Variants in EPHA2 observed in about 807,000 individuals in gnomAD.
EPHA2 encodes EPH receptor A2.
EPHA2 carries 54 observed loss-of-function variants against 104.9 expected under a neutral mutation model. That is an observed-to-expected ratio of 0.51 (90% CI 0.41 to 0.65). The LOEUF (loss-of-function observed/expected upper bound fraction) is 0.65, where lower values mean the gene tolerates loss of function less well. Among genes scored for constraint, EPHA2 ranks in the 30% least tolerant of loss-of-function variants. The probability of loss-of-function intolerance (pLI) is 0.00; values close to 1 mark genes in which losing one functional copy is unlikely to be tolerated. For synonymous variants in EPHA2, 560 were observed against 559.1 expected, an observed-to-expected ratio of 1.00 and a Z score of -0.02; for missense variants, 1,117 against 1,369.5, an observed-to-expected ratio of 0.82 and a Z score of 2.91.
rs930888686 is a variant in EPHA2, at chr1:16,155,839, C to G, written c.85+9G>C. Reference sequence around the variant, plus strand: ...GGGGGCCAGGGGTCCAGACGCCGCGCGCACTCACCTTCCTTGCCCTGCGCC... The same window carrying G: ...GGGGGCCAGGGGTCCAGACGCCGCGGGCACTCACCTTCCTTGCCCTGCGCC... On this transcript the variant is annotated intron_variant, in intron 1 of 16. Coordinates refer to ENST00000358432, the MANE Select transcript of EPHA2 (RefSeq NM_004431.5). The G allele has an allele frequency of 5.6e-6, 8 of 1,430,658 alleles. No homozygotes were observed. The highest frequency in any genetic ancestry group is 7.3e-6 in the Non-Finnish European group (8 of 1,096,372). The allele number at this position is 1,430,658 out of a possible 1,614,324, so 88.6% of individuals were successfully genotyped here.
chr1:16,136,942 G>C (rs942515399), intron 5 of EPHA2, among the ~76,000 whole-genome samples: 1 of 151,728 alleles, frequency 6.6e-6, no homozygotes, highest in Admixed American at 6.6e-5. Flanking sequence ...GGGATTACAG[G>C]CATGCGCCAC....
chr1:16,132,161 C>T lies in EPHA2; in HGVS notation c.2228G>A (p.Arg743His), dbSNP rs1248077614. ...CAGGTTGCTGTTGACGAGGATGTTG[C>T]GGGCAGCCAGGTCACGGTGCACATA... ...MNYVHRDLAARNILVNSNLVC... is the reference protein window; with the variant it reads ...MNYVHRDLAAHNILVNSNLVC... The change falls in exon 13 of 17, where the codon CGC becomes CAC. Residue 743 changes from arginine (R) to histidine (H), a missense_variant. Around this residue, in one of 3 missense-constraint regions of EPHA2, gnomAD observed 340 missense variants for 480.5 expected, o/e 0.71. Coordinates refer to ENST00000358432, the MANE Select transcript of EPHA2 (RefSeq NM_004431.5). 6 of 1,614,096 alleles carry T rather than the reference C, an allele frequency of 3.7e-6. No homozygotes were observed. The highest frequency in any genetic ancestry group is 2.2e-5 in the East Asian group (1 of 44,904).
chr1:16,134,741 G>T lies in EPHA2; in HGVS notation c.1583-174C>A, dbSNP rs1324110109. Among the ~76,000 whole-genome samples the T allele has an allele frequency of 1.3e-5, 2 of 152,168 alleles. No homozygotes were observed. The highest frequency in any genetic ancestry group is 4.8e-5 in the African/African-American group (2 of 41,440). ...CGGTCAAGCGGAGGCCTTCCCGAAG[G>T]TCTCACGGGAGGTATTGCAGGTATG... On this transcript the variant is annotated intron_variant, in intron 7 of 16. Transcript: ENST00000358432. The surrounding 1 kb of genome is among the most constrained non-coding windows in gnomAD (Gnocchi z 4.5).
At chr1:16,136,686 A>AGAG (rs2024698519) in intron 5 of EPHA2, among the ~76,000 whole-genome samples, 2 of 119,196 alleles carry the variant, frequency 1.7e-5, no homozygotes, top group Non-Finnish European at 3.1e-5. Flanking sequence ...AGAAGAAAGA[A>AGAG]GAAGAGGAAG....
Position 16,133,861 on chromosome 1 carries a change from T to C in EPHA2, c.1737A>G (p.Ser579=). ...CCTGGAGCGGGGGCTGCGTCTCACC[T>C]GACTTGGAGAAGTAAACGTCCTCCG... The part of the protein sequence containing the change: ...QSPEDVYFSK[S]EQLKPLKTYV... Residue 579 remains serine, a splice_region_variant and synonymous_variant, in exon 9 of 17, where the codon TCA becomes TCG. Transcript: ENST00000358432. 1.9e-6 allele frequency: 3 copies of C among 1,548,436 alleles called. No homozygotes were observed. The highest frequency in any genetic ancestry group is 2.6e-6 in the Non-Finnish European group (3 of 1,145,026).
In EPHA2 at chr1:16,134,535, C is replaced by G; in HGVS notation, c.1615G>C (p.Gly539Arg). Reference protein sequence around the residue: ...PEGSGNLAVIGGVAVGVVLLL... With the variant: ...PEGSGNLAVIRGVAVGVVLLL... ...AGGACCACACCGACAGCCACGCCGC[C>G]AATCACCGCCAAGTTGCCAGATCCC... is the stretch of plus-strand genomic sequence containing the variant. The change falls in exon 8 of 17, where the codon GGC becomes CGC. Residue 539 changes from glycine to arginine, a missense_variant. By Grantham distance (125) the Gly-to-Arg change is moderately radical. Around this residue, in one of 3 missense-constraint regions of EPHA2, gnomAD observed 664 missense variants for 784.8 expected, o/e 0.85. Coordinates refer to ENST00000358432, the MANE Select transcript of EPHA2 (RefSeq NM_004431.5). This position sits in a 1 kb window ranked among gnomAD's most constrained non-coding sequence, Gnocchi z 4.5. 6.2e-7 allele frequency: 1 copy of G among 1,614,128 alleles called. No homozygotes were observed. The highest frequency in any genetic ancestry group is 8.5e-7 in the Non-Finnish European group (1 of 1,180,026).
Position 16,133,844 on chromosome 1 carries a change from G to C in EPHA2, c.1738+16C>G, listed in dbSNP as rs6669624. On this transcript the variant is annotated intron_variant, in intron 9 of 16. Transcript: ENST00000358432. The stretch of plus-strand genomic sequence containing the variant: ...GTGCGGGCAGGGCTGGGCCTGGAGC[G>C]GGGGCTGCGTCTCACCTGACTTGGA... The C allele has an allele frequency of 2.6e-6, 4 of 1,541,154 alleles. No homozygotes were observed. Among genetic ancestry groups the C allele is most frequent in the East Asian group, 2.5e-5 (1 of 40,774 alleles).
At chr1:16,136,025 T>C (rs543403922) in intron 5 of EPHA2, among the ~76,000 whole-genome samples, 1 of 152,154 alleles carries the variant, frequency 6.6e-6, no homozygotes, top group East Asian at 1.9e-4. Context: ...CACATGCTAC[T>C]GTACCTGGCT....
chr1:16,133,273 C>G lies in EPHA2; in HGVS notation c.1960G>C (p.Glu654Gln). Residue 654 changes from glutamate to glutamine, a missense_variant, in exon 11 of 17, where the codon GAG (glutamate) becomes CAG (glutamine). By Grantham distance (29) the Glu-to-Gln change is conservative (BLOSUM62 2). Around this residue, in one of 3 missense-constraint regions of EPHA2, gnomAD observed 340 missense variants for 480.5 expected, o/e 0.71. Coordinates refer to ENST00000358432, the MANE Select transcript of EPHA2 (RefSeq NM_004431.5). ...AIKTLKAGYT[E>Q]KQRVDFLGEA... is the part of the protein sequence containing the mutation. Reference sequence around the variant, plus strand: ...CCGAGGAAGTCCACTCGCTGCTTCTCTGTGTAGCCGGCTTTCAGCGTCTTG... The same window carrying G: ...CCGAGGAAGTCCACTCGCTGCTTCTGTGTGTAGCCGGCTTTCAGCGTCTTG... 1 of 1,613,914 alleles carries G rather than the reference C, an allele frequency of 6.2e-7. No homozygotes were observed. Among genetic ancestry groups the G allele is most frequent in the South Asian group, 1.1e-5 (1 of 91,088 alleles).
rs1270682774 is a variant in EPHA2 at position 16,130,017 on chromosome 1, G to A, written c.2669+209C>T. On this transcript the variant is annotated intron_variant, in intron 15 of 16. Transcript: ENST00000358432. The surrounding 1 kb of genome is among the most constrained non-coding windows in gnomAD (Gnocchi z 4.5). Reference sequence around the variant, plus strand: ...GAATGAAAACATATTAAGTGCTCACGCAGTGCCCTGCACACAGACACATAA... The same window carrying A: ...GAATGAAAACATATTAAGTGCTCACACAGTGCCCTGCACACAGACACATAA... Among the ~76,000 whole-genome samples the A allele has an allele frequency of 2.0e-5, 3 of 152,142 alleles. No homozygotes were observed. Among genetic ancestry groups the A allele is most frequent in the Non-Finnish European group, 2.9e-5 (2 of 68,040 alleles).
intron 3 of EPHA2, among the ~76,000 whole-genome samples, chr1:16,145,600 C>G (rs1414109850): frequency 1.3e-5 from 2 of 152,062 alleles, no homozygotes; most frequent in Non-Finnish European, 2.9e-5. Flanking sequence ...GAGGGCAGAC[C>G]CTGTGCCTCC....
At position 16,135,006 on chromosome 1, in the gene EPHA2, C is replaced by T; in HGVS notation, c.1582+30G>A. On this transcript the variant is annotated intron_variant, in intron 7 of 16. Transcript: ENST00000358432. The surrounding 1 kb of genome is among the most constrained non-coding windows in gnomAD (Gnocchi z 4.3). Reference sequence around the variant, plus strand: ...CAATTGCTTGGTTCTGGGCCCTGGCCTGGTCCATGCCCAGGGTCCCCCAAC... The same window carrying T: ...CAATTGCTTGGTTCTGGGCCCTGGCTTGGTCCATGCCCAGGGTCCCCCAAC... The T allele has an allele frequency of 1.9e-6, 3 of 1,609,568 alleles. No homozygotes were observed. The highest frequency in any genetic ancestry group is 2.5e-6 in the Non-Finnish European group (3 of 1,179,968).
chr1:16,137,307 A>AG (rs1462702423), intron 5 of EPHA2, among the ~76,000 whole-genome samples: 2 of 151,914 alleles, frequency 1.3e-5, no homozygotes, highest in Non-Finnish European at 2.9e-5. Context: ...TAAAAAAAAA[A>AG]AAAATTGCAG....
intron 1 of EPHA2, among the ~76,000 whole-genome samples, chr1:16,154,374 G>A (rs191738108): frequency 0.01 from 1,584 of 152,174 alleles, 76 homozygotes; most frequent in Admixed American, 0.077. Flanking sequence ...CCCAACACCT[G>A]CCACTGCCCA....
Position 16,150,930 on chromosome 1 carries a change from T to A in EPHA2, c.119A>T (p.Glu40Val), listed in dbSNP as rs1557516913. The change falls in exon 2 of 17, where the codon GAG becomes GTG. Residue 40 changes from glutamate (E) to valine (V), a missense_variant. Physicochemically the swap from Glu to Val is moderately radical, Grantham distance 121. Transcript: ENST00000358432. This position sits in a 1 kb window ranked among gnomAD's most constrained non-coding sequence, Gnocchi z 4.8. Reference sequence around the variant, plus strand: ...ATACGGGTGTGTGAGCCAGCCGAGCTCCCCTCCAGCTGCAGCAAAGTCCAG... The same window carrying A: ...ATACGGGTGTGTGAGCCAGCCGAGCACCCCTCCAGCTGCAGCAAAGTCCAG... ...VLLDFAAAGG[E>V]LGWLTHPYGK... 4.3e-6 allele frequency: 7 copies of A among 1,613,990 alleles called. No individual in the cohort carries two copies. In the East Asian group the frequency reaches 1.6e-4, roughly 36 times the overall value.
intron 11 of EPHA2, among the ~76,000 whole-genome samples, chr1:16,132,704 C>T (rs1362398969): frequency 6.8e-6 from 1 of 147,548 alleles, no homozygotes; most frequent in Non-Finnish European, 1.5e-5. Flanking sequence ...CAGGTGGGCA[C>T]AGGTGTAGAG....
At chr1:16,142,984 A>ATGG (rs1553136529) in intron 3 of EPHA2, among the ~76,000 whole-genome samples, 35 of 74,018 alleles carry the variant, frequency 4.7e-4, no homozygotes, top group Non-Finnish European at 8.1e-4. Flanking sequence ...TGGAGGGATG[A>ATGG]ATGGATGGAT....
At chr1:16,153,178 G>T (rs575917465) in intron 1 of EPHA2, 5 of 984,712 alleles carry the variant, frequency 5.1e-6, no homozygotes, top group Non-Finnish European at 6.0e-6. Context: ...GAGTTCCACC[G>T]TAAGTGCCAT....
At position 16,134,047 on chromosome 1, in the gene EPHA2, G is replaced by T; in HGVS notation, c.1683-132C>A. 1 of 870,766 alleles carries T rather than the reference G, an allele frequency of 1.1e-6. No individual in the cohort carries two copies. The highest frequency in any genetic ancestry group is 1.7e-6 in the Non-Finnish European group (1 of 577,642). 53.9% of individuals were successfully genotyped at this position (870,766 alleles called of 1,614,324 possible). On this transcript the variant is annotated intron_variant, in intron 8 of 16. Transcript: ENST00000358432. The surrounding 1 kb of genome is among the most constrained non-coding windows in gnomAD (Gnocchi z 4.5). Reference sequence around the variant, plus strand: ...AGAATGCGGCCCAGTCCCCGCTTTTGCTGCCCAAGCTCCACTCTCAGGGCC... The same window carrying T: ...AGAATGCGGCCCAGTCCCCGCTTTTTCTGCCCAAGCTCCACTCTCAGGGCC...
Sources: gnomAD v4.1 joint callset for allele counts (sites outside exome capture counted in the v4.1 genomes callset) on GRCh38, gnomAD v4.1.1 for gene constraint, gnomAD v4.1.1 regional missense constraint, Gnocchi (gnomAD v3.1) non-coding constraint, MANE v1.5 for transcripts, NCBI Gene and HGNC (gene_info 2026-07-23, HGNC 2026-07-21) for gene names.